Variants in TMC2 observed in about 807,000 individuals in gnomAD.
TMC2 encodes transmembrane channel like 2.
Under a neutral mutation model 105.9 loss-of-function variants are expected in TMC2, and 102 were observed. That is an observed-to-expected ratio of 0.96 (90% CI 0.82 to 1.14). TMC2 has a LOEUF of 1.14. Among genes scored for constraint, TMC2 ranks in the 50% most tolerant of loss-of-function variants. The probability of loss-of-function intolerance (pLI) is 0.00; values close to 1 mark genes in which losing one functional copy is unlikely to be tolerated. For synonymous variants in TMC2, 402 were observed against 422.8 expected (o/e 0.95, Z 0.60); for missense variants, 1,093 against 1,134.3 (o/e 0.96, Z 0.52).
intron 2 of TMC2, among the ~76,000 whole-genome samples, chr20:2,539,985 CTTTTCTTTTT>C (rs1011803469): frequency 1.8e-5 from 2 of 113,662 alleles, no homozygotes; most frequent in African/African-American, 6.4e-5. Context: ...CTTTTCTTTT[CTTTTCTTTTT>C]TTTTTTTTTT....
At chr20:2,587,350 G>A (rs1057455467) in intron 7 of TMC2, among the ~76,000 whole-genome samples, 1 of 151,920 alleles carries the variant, frequency 6.6e-6, no homozygotes, top group East Asian at 1.9e-4. Flanking sequence ...TTGCATTCTT[G>A]GAATAAACCC....
chr20:2,562,578 G>A (rs2086035069), intron 4 of TMC2, among the ~76,000 whole-genome samples: 1 of 152,232 alleles, frequency 6.6e-6, no homozygotes, highest in African/African-American at 2.4e-5. Flanking sequence ...CTCGACTCCT[G>A]TTTTCTACTC....
At chr20:2,613,735 C>G in intron 14 of TMC2, 1 of 280,634 alleles carries the variant, frequency 3.6e-6, no homozygotes, top group South Asian at 3.5e-5. Context: ...TTGGTCCTGT[C>G]TTCTGGATGA....
intron 4 of TMC2, among the ~76,000 whole-genome samples, 154 bp downstream of exon 4, chr20:2,562,164 C>T (rs1361746386): frequency 2.6e-5 from 4 of 152,250 alleles, no homozygotes; most frequent in East Asian, 1.9e-4. Flanking sequence ...AGAGCCAAGG[C>T]GGCCGTGCTG....
At chr20:2,619,984 TG>T (rs2086513271) in intron 16 of TMC2, among the ~76,000 whole-genome samples, 1 of 151,782 alleles carries the variant, frequency 6.6e-6, no homozygotes, top group Admixed American at 6.6e-5. Context: ...GAGGCTGAGG[TG>T]GGAGGATTGC....
At chr20:2,577,430 ACCATATCCTT>A (rs2086155255) in intron 5 of TMC2, among the ~76,000 whole-genome samples, 1 of 152,044 alleles carries the variant, frequency 6.6e-6, no homozygotes, top group South Asian at 2.1e-4. Context: ...TCTGCCAATC[ACCATATCCTT>A]CCTATCTTTG....
chr20:2,589,658 G>C (rs1457634190), intron 7 of TMC2, among the ~76,000 whole-genome samples: 4 of 151,908 alleles, frequency 2.6e-5, no homozygotes, highest in Admixed American at 1.3e-4. Flanking sequence ...GCTTTTGCTG[G>C]CAGTACTGTT....
At chr20:2,572,421 T>C in intron 5 of TMC2, 152 bp downstream of exon 5, 1 of 629,096 alleles carries the variant, frequency 1.6e-6, no homozygotes, top group Non-Finnish European at 2.9e-6. Context: ...CTGATCCATC[T>C]AGGCATGGAA....
intron 17 of TMC2, among the ~76,000 whole-genome samples, chr20:2,628,559 G>C (rs2086580200): frequency 6.6e-6 from 1 of 151,824 alleles, no homozygotes. Flanking sequence ...CATGGAGGCA[G>C]TTCCCCCCGT....
intron 2 of TMC2, among the ~76,000 whole-genome samples, chr20:2,540,107 C>T (rs2085879517): frequency 6.6e-6 from 1 of 151,088 alleles, no homozygotes; most frequent in Non-Finnish European, 1.5e-5. Flanking sequence ...TCTCCTGCCT[C>T]AGCCTCCCAG....
At position 2,612,311 on chromosome 20, in the gene TMC2, G is replaced by A. The variant is rs370789432; in HGVS notation, c.1714G>A (p.Gly572Ser). ...PPLHPADVPR[G>S]SCWETAVGIE... Reference sequence around the variant, plus strand: ...CCTGCACCCTGCAGATGTGCCCCGGGGTTCTTGCTGGGAGACAGCTGTGGG... The same window carrying A: ...CCTGCACCCTGCAGATGTGCCCCGGAGTTCTTGCTGGGAGACAGCTGTGGG... The change falls in exon 13 of 20, where the codon GGT becomes AGT. Residue 572 changes from glycine to serine, a missense_variant. Transcript: ENST00000358864. The A allele has an allele frequency of 1.9e-6, 3 of 1,586,930 alleles. No homozygotes were observed. The highest frequency in any genetic ancestry group is 2.6e-6 in the Non-Finnish European group (3 of 1,161,990).
intron 4 of TMC2, among the ~76,000 whole-genome samples, chr20:2,565,068 G>A (rs1251175127): frequency 2.0e-5 from 3 of 152,202 alleles, no homozygotes; most frequent in African/African-American, 7.2e-5. Flanking sequence ...CCCACAAGCA[G>A]GCTGATTGAT....
intron 2 of TMC2, among the ~76,000 whole-genome samples, chr20:2,546,420 A>G (rs1278271385): frequency 1.3e-5 from 2 of 151,600 alleles, no homozygotes; most frequent in African/African-American, 4.9e-5. Context: ...CAGGGAGAGG[A>G]TAGGAGGCAG....
At chr20:2,609,000 A>G (rs2086414712) in intron 11 of TMC2, among the ~76,000 whole-genome samples, 1 of 152,208 alleles carries the variant, frequency 6.6e-6, no homozygotes, top group Non-Finnish European at 1.5e-5. Context: ...TTAACTGAAT[A>G]CCTACAATAG....
intron 2 of TMC2, among the ~76,000 whole-genome samples, chr20:2,555,926 G>A (rs2085982291): frequency 6.6e-6 from 1 of 152,088 alleles, no homozygotes; most frequent in Admixed American, 6.6e-5. Context: ...TTATAAAAGG[G>A]TATTCCCAAT....
chr20:2,622,481 A>G lies in TMC2; in HGVS notation c.2181-1790A>G, dbSNP rs182486258. Among the ~76,000 whole-genome samples, 324 of 152,334 alleles carry G rather than the reference A, an allele frequency of 2.1e-3. 1 individual carries two copies. Among genetic ancestry groups the G allele is most frequent in the Non-Finnish European group, 3.5e-3 (239 of 68,022 alleles). ...TCAGGAGTTCAAGACCAGCCTGGCCAACATGGCGAAACCCCGTCTCTACTA... is the reference window on the plus strand; with the variant it reads ...TCAGGAGTTCAAGACCAGCCTGGCCGACATGGCGAAACCCCGTCTCTACTA... On this transcript the variant is annotated intron_variant, in intron 16 of 19. Transcript: ENST00000358864.
chr20:2,557,435 T>C (rs536274208), intron 2 of TMC2, among the ~76,000 whole-genome samples: 7 of 152,364 alleles, frequency 4.6e-5, no homozygotes, highest in African/African-American at 1.4e-4. Flanking sequence ...TATTGTTTCT[T>C]AGAGTTTCAA....
intron 2 of TMC2, among the ~76,000 whole-genome samples, chr20:2,551,909 A>G (rs2085958855): frequency 6.6e-6 from 1 of 152,142 alleles, no homozygotes; most frequent in African/African-American, 2.4e-5. Flanking sequence ...GTAGAGCTTT[A>G]GAGTCTTGAT....
chr20:2,585,730 T>C (rs1273980044), intron 7 of TMC2, among the ~76,000 whole-genome samples: 3 of 152,224 alleles, frequency 2.0e-5, no homozygotes, highest in African/African-American at 7.2e-5. Flanking sequence ...TCAGTGGCTA[T>C]TGGCCAGAGA....
Sources: gnomAD v4.1 joint callset for allele counts (sites outside exome capture counted in the v4.1 genomes callset) on GRCh38, gnomAD v4.1.1 for gene constraint, MANE v1.5 for transcripts, NCBI Gene and HGNC (gene_info 2026-07-23, HGNC 2026-07-21) for gene names.